The following CDH22 variants were observed in gnomAD, a reference collection of about 807,000 sequenced individuals.
The protein encoded by CDH22 is cadherin 22, also known as cadherin-22.
A neutral mutation model predicts 58.4 loss-of-function variants in CDH22; 30 were observed. The observed-to-expected ratio is 0.51, with a 90% CI of 0.38 to 0.70. The LOEUF (loss-of-function observed/expected upper bound fraction) is 0.70. Among genes scored for constraint, CDH22 ranks in the 30% least tolerant of loss-of-function variants. The probability of loss-of-function intolerance (pLI) is 0.00; values close to 1 mark genes in which losing one functional copy is unlikely to be tolerated. For synonymous variants in CDH22, 513 were observed against 558.2 expected (o/e 0.92, Z 1.14); for missense variants, 1,014 against 1,233.9 (o/e 0.82, Z 2.67).
At chr20:46,301,179 A>T (rs1286336456) in intron 1 of CDH22, among the ~76,000 whole-genome samples, 1 of 152,204 alleles carries the variant, frequency 6.6e-6, no homozygotes, top group Non-Finnish European at 1.5e-5. Flanking sequence ...ATAAAAAGGT[A>T]CATACATATA....
chr20:46,210,137 C>G lies in CDH22; in HGVS notation c.1286+170G>C. 1 of 612,708 alleles carries G rather than the reference C, an allele frequency of 1.6e-6. No individual in the cohort carries two copies. The highest frequency in any genetic ancestry group is 3.5e-5 in the East Asian group (1 of 28,434). 38.0% of individuals were successfully genotyped at this position (612,708 alleles called of 1,614,324 possible). On this transcript the variant is annotated intron_variant, in intron 7 of 11. Coordinates refer to ENST00000537909, the MANE Select transcript of CDH22 (RefSeq NM_021248.3). The surrounding 1 kb of genome is among the most constrained non-coding windows in gnomAD (Gnocchi z 4.5). ...ATCTGCTTCCTTGGCTCTTTGGCTC[C>G]GTGCCTGTTTCTCTCCACCCGTGCG...
intron 3 of CDH22, among the ~76,000 whole-genome samples, chr20:46,236,690 C>T (rs369520188): frequency 9.2e-6 from 1 of 108,346 alleles, no homozygotes; most frequent in Non-Finnish European, 1.8e-5. Flanking sequence ...TCTATATATA[C>T]ATAGAGAGAG....
chr20:46,273,575 A>C (rs535982941), intron 1 of CDH22, among the ~76,000 whole-genome samples: 1 of 152,340 alleles, frequency 6.6e-6, no homozygotes, highest in Non-Finnish European at 1.5e-5. Context: ...TGCATCAAAC[A>C]TCACACTCAC....
At position 46,234,852 on chromosome 20, in the gene CDH22, G is replaced by T. The variant is rs1391476312; in HGVS notation, c.550+6111C>A. ...CTGCTACCACTTTGAGGTCAGGGGT[G>T]GTGTCTTGCTCATCTGTGATCTCTA... On this transcript the variant is annotated intron_variant, in intron 3 of 11. Transcript: ENST00000537909. Among the ~76,000 whole-genome samples the T allele has an allele frequency of 7.9e-5, 12 of 152,210 alleles. 1 individual carries two copies. The highest frequency in any genetic ancestry group is 7.9e-4 in the Admixed American group (12 of 15,282).
chr20:46,179,767 A>C (rs1215762706), intron 10 of CDH22, among the ~76,000 whole-genome samples: 1 of 152,236 alleles, frequency 6.6e-6, no homozygotes, highest in Non-Finnish European at 1.5e-5. Flanking sequence ...ATTCACACAT[A>C]ACCCTTAGAA....
In CDH22 at chr20:46,300,788, C is replaced by T. The variant is rs1430932436; in HGVS notation, c.-400+7467G>A. 1.3e-5 allele frequency among the ~76,000 whole-genome samples: 2 copies of T among 152,226 alleles called. No individual in the cohort carries two copies. The highest frequency in any genetic ancestry group is 2.9e-5 in the Non-Finnish European group (2 of 68,050). The stretch of plus-strand genomic sequence containing the variant: ...GCCACACGACTCCTGCCAAAAACGT[C>T]CCAGTGGTCCCTGAAGAAATCATCG... On this transcript the variant is annotated intron_variant, in intron 1 of 11. Transcript: ENST00000537909. The surrounding 1 kb of genome is among the most constrained non-coding windows in gnomAD (Gnocchi z 4.4).
intron 4 of CDH22, among the ~76,000 whole-genome samples, chr20:46,218,619 C>G (rs1308491112): frequency 6.7e-6 from 1 of 149,888 alleles, no homozygotes; most frequent in Non-Finnish European, 1.5e-5. Flanking sequence ...CCCCCTCCCA[C>G]AACCAAATTA....
intron 10 of CDH22, 33 bp downstream of exon 10, chr20:46,186,555 T>C (rs1207069813): frequency 6.8e-7 from 1 of 1,478,904 alleles, no homozygotes; most frequent in South Asian, 1.1e-5. Flanking sequence ...ACTGTGCCCC[T>C]CCCTTCTTGC....
intron 3 of CDH22, among the ~76,000 whole-genome samples, chr20:46,231,955 C>T (rs1467615183): frequency 1.3e-5 from 2 of 152,252 alleles, no homozygotes; most frequent in South Asian, 4.1e-4. Context: ...CCCAGTGTGT[C>T]GTGGGTGCCT....
rs768148870 is a variant in CDH22 at position 46,251,107 on chromosome 20, C to A, written c.188G>T (p.Gly63Val). 1 of 1,608,832 alleles carries A rather than the reference C, an allele frequency of 6.2e-7. No homozygotes were observed. The highest frequency in any genetic ancestry group is 8.5e-7 in the Non-Finnish European group (1 of 1,177,732). Residue 63 changes from glycine (G) to valine (V), a missense_variant, in exon 2 of 12, where the codon GGC becomes GTC. Gly to Val is a moderately radical substitution (Grantham distance 109). Transcript: ENST00000537909. This position sits in a 1 kb window ranked among gnomAD's most constrained non-coding sequence, Gnocchi z 6.7. ...GALGAGRVKR[G>V]WVWNQFFVVE... ...CACGAAGAACTGGTTCCACACCCAG[C>A]CGCGTTTGACGCGGCCGGCTCCCAG...
chr20:46,269,248 C>T (rs1363975084), intron 1 of CDH22, among the ~76,000 whole-genome samples: 1 of 152,110 alleles, frequency 6.6e-6, no homozygotes, highest in Non-Finnish European at 1.5e-5. Flanking sequence ...CCATCCTGCT[C>T]CAATTACCAG....
chr20:46,276,882 G>A (rs185784041), intron 1 of CDH22, among the ~76,000 whole-genome samples: 6 of 152,336 alleles, frequency 3.9e-5, no homozygotes, highest in Non-Finnish European at 5.9e-5. Flanking sequence ...TTTATTTTGC[G>A]GGTCTGGAAT....
At chr20:46,292,549 T>G (rs1306774906) in intron 1 of CDH22, among the ~76,000 whole-genome samples, 2 of 152,196 alleles carry the variant, frequency 1.3e-5, no homozygotes, top group Non-Finnish European at 2.9e-5. Context: ...GTTCTGATTT[T>G]CTGACAAATT....
intron 10 of CDH22, among the ~76,000 whole-genome samples, chr20:46,184,907 G>C (rs1314373760): frequency 6.6e-6 from 1 of 152,062 alleles, no homozygotes; most frequent in Non-Finnish European, 1.5e-5. Context: ...CCAACATGGC[G>C]AAACCTCGTC....
At position 46,186,912 on chromosome 20, in the gene CDH22, T is replaced by G. The variant is rs1055464660; in HGVS notation, c.1459A>C (p.Ile487Leu). ...HAQLSRASLRIRILDVNDNPP... is the reference protein window; with the variant it reads ...HAQLSRASLRLRILDVNDNPP... ...TTGTCGTTCACATCCAGGATTCGGA[T>G]CCTTAGGGATGCCCGGGATAGCTGT... Residue 487 changes from isoleucine to leucine, a missense_variant, in exon 9 of 12, where the codon ATC (isoleucine) becomes CTC (leucine). By Grantham distance (5) the Ile-to-Leu change is conservative (BLOSUM62 2). Around this residue, in one of 2 missense-constraint regions of CDH22, gnomAD observed 806 missense variants for 1,038.7 expected, o/e 0.78. Transcript: ENST00000537909. 3.7e-6 allele frequency: 6 copies of G among 1,610,358 alleles called. No individual in the cohort carries two copies. Among genetic ancestry groups the G allele is most frequent in the Non-Finnish European group, 4.2e-6 (5 of 1,178,094 alleles).
intron 3 of CDH22, among the ~76,000 whole-genome samples, chr20:46,228,110 A>G (rs1294757211): frequency 6.6e-6 from 1 of 152,076 alleles, no homozygotes; most frequent in African/African-American, 2.4e-5. Context: ...GGGCCATTCT[A>G]CCCACTCCAG....
chr20:46,300,403 C>A lies in CDH22; in HGVS notation c.-400+7852G>T, dbSNP rs549206306. ...GACCTGGATCCACCTGCTTCTGCTT[C>A]CCATCCATCAGCCTGCCCGGGCCCA... On this transcript the variant is annotated intron_variant, in intron 1 of 11. Transcript: ENST00000537909. The surrounding 1 kb of genome is among the most constrained non-coding windows in gnomAD (Gnocchi z 4.4). Among the ~76,000 whole-genome samples, 1 of 152,208 alleles carries A rather than the reference C, an allele frequency of 6.6e-6. No homozygotes were observed. Among genetic ancestry groups the A allele is most frequent in the African/African-American group, 2.4e-5 (1 of 41,456 alleles).
chr20:46,186,438 G>C (rs2085825522), intron 10 of CDH22, 150 bp downstream of exon 10: 4 of 660,182 alleles, frequency 6.1e-6, no homozygotes, highest in Non-Finnish European at 1.1e-5. Context: ...CAGTGGGCTG[G>C]GTAACAGCTC....
chr20:46,294,087 G>C (rs2086618249), intron 1 of CDH22, among the ~76,000 whole-genome samples: 1 of 152,174 alleles, frequency 6.6e-6, no homozygotes, highest in Non-Finnish European at 1.5e-5. Flanking sequence ...ATGGGGGTAG[G>C]GGTAGGTAGA....
Sources: gnomAD v4.1 joint callset for allele counts (sites outside exome capture counted in the v4.1 genomes callset) on GRCh38, gnomAD v4.1.1 for gene constraint, gnomAD v4.1.1 regional missense constraint, Gnocchi (gnomAD v3.1) non-coding constraint, MANE v1.5 for transcripts, NCBI Gene and HGNC (gene_info 2026-07-23, HGNC 2026-07-21) for gene names.